ADI1: variants seen among roughly 807,000 people sequenced by gnomAD.
ADI1 encodes the protein acireductone dioxygenase.
Under a neutral mutation model 18.7 loss-of-function variants are expected in ADI1, and 21 were observed. The ratio of observed to expected loss-of-function variants is 1.13; its 90% CI spans 0.80 to 1.62. ADI1 has a LOEUF of 1.62. Among genes scored for constraint, ADI1 ranks in the 40% most tolerant of loss-of-function variants. The pLI is 0.00. For synonymous variants in ADI1, 90 were observed against 100.1 expected, an observed-to-expected ratio of 0.90 and a Z score of 0.60; for missense variants, 245 against 254.9, an observed-to-expected ratio of 0.96 and a Z score of 0.26.
At chr2:3,518,507 C>T (rs1183108910) in intron 1 of ADI1, among the ~76,000 whole-genome samples, 3 of 152,244 alleles carry the variant, frequency 2.0e-5, no homozygotes, top group Non-Finnish European at 4.4e-5. Context: ...CAACGGGACA[C>T]CGGTGCAAAG....
chr2:3,508,334 CAAAAAAAAAAAAAAA>C (rs33977448), intron 2 of ADI1, among the ~76,000 whole-genome samples: 1 of 26,922 alleles, frequency 3.7e-5, no homozygotes, highest in Non-Finnish European at 9.9e-5. Context: ...GACTCTGTCT[CAAAAAAAAAAAAAAA>C]AAAAAAAAAA....
chr2:3,513,781 A>G, intron 2 of ADI1, 76 bp downstream of exon 2: 1 of 1,460,762 alleles, frequency 6.8e-7, no homozygotes, highest in South Asian at 1.5e-5. Context: ...TTAAAAGAAA[A>G]AAGAAAGAAA....
chr2:3,514,845 C>T, intron 1 of ADI1: 1 of 1,548,530 alleles, frequency 6.5e-7, no homozygotes, highest in Middle Eastern at 1.7e-4. Context: ...AGTCAGGGAC[C>T]CCGAATGGAG....
intron 2 of ADI1, among the ~76,000 whole-genome samples, chr2:3,502,708 C>T (rs183900431): frequency 1.3e-5 from 2 of 152,172 alleles, no homozygotes; most frequent in Admixed American, 1.3e-4. Flanking sequence ...CCTCAGTCTC[C>T]CAAAGTGCTA....
intron 2 of ADI1, among the ~76,000 whole-genome samples, 182 bp downstream of exon 2, chr2:3,513,675 C>G (rs991225591): frequency 1.8e-4 from 28 of 152,110 alleles, no homozygotes; most frequent in Admixed American, 1.1e-3. Flanking sequence ...TCCTGTAGAG[C>G]CTGCAGAACT....
chr2:3,502,962 G>GA (rs1234520860), intron 2 of ADI1, among the ~76,000 whole-genome samples: 33 of 152,210 alleles, frequency 2.2e-4, no homozygotes, highest in African/African-American at 7.9e-4. Context: ...ACAGTGAGAG[G>GA]AAAGATACAA....
At chr2:3,510,243 C>T (rs1299524547) in intron 2 of ADI1, among the ~76,000 whole-genome samples, 1 of 151,636 alleles carries the variant, frequency 6.6e-6, no homozygotes, top group Non-Finnish European at 1.5e-5. Context: ...TAAGCCTAGG[C>T]ATTCAAGACT....
At chr2:3,513,243 T>C (rs1211665969) in intron 2 of ADI1, among the ~76,000 whole-genome samples, 1 of 152,184 alleles carries the variant, frequency 6.6e-6, no homozygotes. Flanking sequence ...GACTTTTAAG[T>C]TAATGCTAGA....
In ADI1 at chr2:3,503,895, C is replaced by T. The variant is rs538786628; in HGVS notation, c.241-2902G>A. Among the ~76,000 whole-genome samples the T allele has an allele frequency of 1.2e-4, 19 of 152,224 alleles. No homozygotes were observed. The East Asian group carries it at 1.7e-3, about 14-fold the overall frequency. ...GAAGGCCTCCAGCCCCAGTGGATGC[C>T]GAGTGAACAGAGAAGAGGGGGACAT... On this transcript the variant is annotated intron_variant, in intron 2 of 3. Coordinates refer to ENST00000327435, the MANE Select transcript of ADI1 (RefSeq NM_018269.4).
intron 1 of ADI1, chr2:3,514,996 T>C: frequency 9.4e-7 from 1 of 1,062,182 alleles, no homozygotes; most frequent in South Asian, 1.7e-5. Flanking sequence ...TGAGGATGTA[T>C]GTCACCTCAG....
chr2:3,519,317 G>A (rs1458637935), intron 1 of ADI1, 51 bp downstream of exon 1: 3 of 1,346,464 alleles, frequency 2.2e-6, no homozygotes, highest in Non-Finnish European at 2.8e-6. Context: ...TGTGCGCGGC[G>A]TTTGGGGGTC....
At chr2:3,518,272 T>C (rs2103216068) in intron 1 of ADI1, among the ~76,000 whole-genome samples, 1 of 152,348 alleles carries the variant, frequency 6.6e-6, no homozygotes, top group South Asian at 2.1e-4. Context: ...GATATCCAAA[T>C]AGATTATGCT....
At position 3,498,583 on chromosome 2, in the gene ADI1, T is replaced by C. The variant is rs1166256814; in HGVS notation, c.*380A>G. ...GCATCATTTTGGAGAAAAAAGTGTC[T>C]TCTATCTGGCTAGCTGTGTTATCTA... On this transcript the variant is annotated 3_prime_UTR_variant, in exon 4 of 4. Coordinates refer to ENST00000327435, the MANE Select transcript of ADI1 (RefSeq NM_018269.4). The C allele has an allele frequency of 6.0e-6, 1 of 167,742 alleles. No homozygotes were observed. Among genetic ancestry groups the C allele is most frequent in the Non-Finnish European group, 1.3e-5 (1 of 78,736 alleles). The allele number at this position is 167,742 out of a possible 1,614,324, so 10.4% of individuals were successfully genotyped here.
intron 1 of ADI1, 42 bp downstream of exon 1, chr2:3,519,326 T>G: frequency 7.4e-7 from 1 of 1,346,318 alleles, no homozygotes; most frequent in Non-Finnish European, 9.5e-7. Context: ...CGTTTGGGGG[T>G]CGGCGTCGCC....
chr2:3,502,510 T>C (rs984669193), intron 2 of ADI1, among the ~76,000 whole-genome samples: 8 of 147,522 alleles, frequency 5.4e-5, no homozygotes, highest in African/African-American at 2.0e-4. Flanking sequence ...TGGAGTGCAA[T>C]GGCGCGATCT....
chr2:3,500,844 C>T lies in ADI1; in HGVS notation c.390G>A (p.Gly130=). The stretch of plus-strand genomic sequence containing the variant: ...CGTCCACCGTGAAGCGGTGATAGAT[C>T]CCCGCGGGGAGCGTCACCATGTCTC... ...EKGDMVTLPA[G]IYHRFTVDEK... Residue 130 remains glycine (G), a synonymous_variant, in exon 3 of 4, where the codon GGG becomes GGA. Transcript: ENST00000327435. The T allele has an allele frequency of 3.7e-6, 6 of 1,614,222 alleles. No homozygotes were observed. Among genetic ancestry groups the T allele is most frequent in the Non-Finnish European group, 5.1e-6 (6 of 1,180,024 alleles).
Position 3,513,902 on chromosome 2 carries a change from G to A in ADI1, c.195C>T (p.Asp65=), listed in dbSNP as rs770249693. The A allele has an allele frequency of 4.3e-6, 7 of 1,611,118 alleles. No homozygotes were observed. In the East Asian group the frequency reaches 1.1e-4, roughly 26 times the overall value. The part of the protein sequence containing the change: ...IRRERNYSWM[D]IITICKDKLP... ...GTTTATCTTTGCATATGGTTATGAT[G>A]TCCATCCAGGAGTAGTTCCTCTCTC... Residue 65 remains aspartate, a synonymous_variant, in exon 2 of 4, where the codon GAC becomes GAT. Transcript: ENST00000327435.
intron 2 of ADI1, among the ~76,000 whole-genome samples, chr2:3,508,771 G>C (rs1159169357): frequency 6.6e-6 from 1 of 152,086 alleles, no homozygotes; most frequent in Admixed American, 6.6e-5. Flanking sequence ...AGTTGTGGTG[G>C]TGTGCACCTG....
chr2:3,510,977 T>C (rs1376221004), intron 2 of ADI1, among the ~76,000 whole-genome samples: 6 of 152,260 alleles, frequency 3.9e-5, no homozygotes, highest in South Asian at 4.1e-4. Flanking sequence ...AACATTGATA[T>C]AGTTTGGCAA....
Sources: allele counts gnomAD v4.1 joint callset (sites outside exome capture counted in the v4.1 genomes callset), GRCh38; gene constraint gnomAD v4.1.1; transcripts MANE v1.5; gene names NCBI Gene and HGNC (gene_info 2026-07-23, HGNC 2026-07-21).